The following RTKN2 variants were observed in gnomAD, a reference collection of about 807,000 sequenced individuals.
RTKN2 encodes rhotekin 2.
RTKN2 carries 69 observed loss-of-function variants against 71.5 expected under a neutral mutation model. The ratio of observed to expected loss-of-function variants is 0.96; its 90% CI spans 0.79 to 1.18. RTKN2 has a LOEUF of 1.18. Among genes scored for constraint, RTKN2 ranks in the 50% most tolerant of loss-of-function variants. The pLI, the probability that RTKN2 is intolerant of heterozygous loss-of-function variation, is 0.00. For synonymous variants in RTKN2, 236 were observed against 236.5 expected (o/e 1.00, Z 0.02); for missense variants, 724 against 719.7 (o/e 1.01, Z -0.07).
At chr10:62,253,617 A>C (rs1842621130) in intron 2 of RTKN2, among the ~76,000 whole-genome samples, 1 of 152,192 alleles carries the variant, frequency 6.6e-6, no homozygotes, top group Non-Finnish European at 1.5e-5. Flanking sequence ...ATAAAGTAGA[A>C]AAAATAAAAA....
At chr10:62,268,509 G>C (rs1316418927) in intron 1 of RTKN2, 42 bp downstream of exon 1, 5 of 1,534,664 alleles carry the variant, frequency 3.3e-6, no homozygotes, top group Non-Finnish European at 4.4e-6. Context: ...ACAGAACCCC[G>C]GCTCCCTCAC....
Position 62,249,709 on chromosome 10 carries a change from T to C in RTKN2, c.258-3652A>G, listed in dbSNP as rs996809050. Among the ~76,000 whole-genome samples, 6 of 152,194 alleles carry C rather than the reference T, an allele frequency of 3.9e-5. No individual in the cohort carries two copies. In the East Asian group the frequency reaches 5.8e-4, roughly 15 times the overall value. On this transcript the variant is annotated intron_variant, in intron 2 of 11. Transcript: ENST00000373789. ...TAATCTTTTAACCTCAGCATCTTTATCTGTAAAGTGGCAAAAAGATTCACT... is the reference window on the plus strand; with the variant it reads ...TAATCTTTTAACCTCAGCATCTTTACCTGTAAAGTGGCAAAAAGATTCACT...
intron 9 of RTKN2, chr10:62,215,155 AT>A: frequency 9.9e-7 from 1 of 1,012,000 alleles, no homozygotes; most frequent in Non-Finnish European, 1.4e-6. Context: ...ATGGTATAAA[AT>A]ATAAGAAAAA....
Position 62,268,788 on chromosome 10 carries a change from C to T in RTKN2, c.-178G>A. 1 of 602,396 alleles carries T rather than the reference C, an allele frequency of 1.7e-6. No homozygotes were observed. The highest frequency in any genetic ancestry group is 2.8e-6 in the Non-Finnish European group (1 of 356,196). 37.3% of individuals were successfully genotyped at this position (602,396 alleles called of 1,614,324 possible). A position where few individuals can be genotyped will look rare whatever the true frequency, so the allele number is the denominator to read the frequency against. On this transcript the variant is annotated 5_prime_UTR_variant, in exon 1 of 12. Transcript: ENST00000373789. ...GCACGCGCAGTGGGCGCGCCTTGCG[C>T]TCTGCAGCTCCCGCCGCCGGAAGTT...
intron 2 of RTKN2, among the ~76,000 whole-genome samples, chr10:62,254,365 C>G (rs1314987624): frequency 6.6e-6 from 1 of 152,192 alleles, no homozygotes. Context: ...TGCTTGCTTT[C>G]CCTTCACCCT....
At chr10:62,200,357 C>T (rs1286069362) in intron 10 of RTKN2, among the ~76,000 whole-genome samples, 10 of 100,150 alleles carry the variant, frequency 1.0e-4, no homozygotes, top group African/African-American at 1.9e-4. Context: ...AGAGAGACTC[C>T]GTCTCAAAAA....
At chr10:62,231,776 G>A (rs1369238350) in intron 6 of RTKN2, among the ~76,000 whole-genome samples, 3 of 151,834 alleles carry the variant, frequency 2.0e-5, no homozygotes, top group African/African-American at 7.3e-5. Flanking sequence ...ATATTACTAG[G>A]GAAAATTTTA....
chr10:62,195,053 A>C lies in RTKN2; in HGVS notation c.*2855T>G, dbSNP rs61850824. ...AAAATGCCTTCTTTGCCCTTGCAAG[A>C]TATTAAAATACAAAAGTTACCACTT... On this transcript the variant is annotated 3_prime_UTR_variant, in exon 12 of 12. Coordinates refer to ENST00000373789, the MANE Select transcript of RTKN2 (RefSeq NM_145307.4). The C allele has an allele frequency of 0.1, 98,646 of 983,206 alleles. 5,268 individuals carry two copies. The highest frequency in any genetic ancestry group is 0.25 in the South Asian group (5,379 of 21,210). The allele number at this position is 983,206 out of a possible 1,614,324, so 60.9% of individuals were successfully genotyped here.
At chr10:62,245,068 T>C (rs989415150) in intron 3 of RTKN2, among the ~76,000 whole-genome samples, 2 of 152,134 alleles carry the variant, frequency 1.3e-5, no homozygotes, top group Non-Finnish European at 2.9e-5. Context: ...AAGAAAATAT[T>C]TGTAAAAGTG....
intron 3 of RTKN2, 40 bp downstream of exon 3, chr10:62,245,959 G>C (rs1842471600): frequency 1.6e-6 from 2 of 1,279,112 alleles, no homozygotes; most frequent in Non-Finnish European, 2.2e-6. Context: ...TTACGTTATA[G>C]AATTTATTCA....
At position 62,262,621 on chromosome 10, in the gene RTKN2, T is replaced by G. The variant is rs1322777178; in HGVS notation, c.257+4A>C. 6 of 1,586,568 alleles carry G rather than the reference T, an allele frequency of 3.8e-6. No individual in the cohort carries two copies. The highest frequency in any genetic ancestry group is 8.6e-7 in the Non-Finnish European group (1 of 1,161,026). The stretch of plus-strand genomic sequence containing the variant: ...AAAAGCCACAGGTAAACTATGTTAC[T>G]AACCATCTTCCAGTCTGATTTGCAA... On this transcript the variant is annotated splice_donor_region_variant and intron_variant, in intron 2 of 11. Coordinates refer to ENST00000373789, the MANE Select transcript of RTKN2 (RefSeq NM_145307.4).
intron 1 of RTKN2, among the ~76,000 whole-genome samples, chr10:62,267,868 G>GT (rs529685950): frequency 5.9e-5 from 9 of 152,166 alleles, no homozygotes; most frequent in Non-Finnish European, 1.2e-4. Flanking sequence ...GTGAAAAGTG[G>GT]TAACATTTTA....
chr10:62,254,606 G>T (rs1564527616), intron 2 of RTKN2, among the ~76,000 whole-genome samples: 2 of 151,944 alleles, frequency 1.3e-5, no homozygotes, highest in African/African-American at 4.8e-5. Context: ...CACACACAAA[G>T]AACTGCAAAG....
rs546580372 is a variant in RTKN2 at position 62,194,519 on chromosome 10, G to T, written c.*3389C>A. 4.3e-4 allele frequency: 428 copies of T among 984,592 alleles called. No individual in the cohort carries two copies. Among genetic ancestry groups the T allele is most frequent in the Admixed American group, 5.5e-4 (9 of 16,270 alleles). The allele number at this position is 984,592 out of a possible 1,614,324, so 61.0% of individuals were successfully genotyped here. On this transcript the variant is annotated 3_prime_UTR_variant, in exon 12 of 12. Coordinates refer to ENST00000373789, the MANE Select transcript of RTKN2 (RefSeq NM_145307.4). Reference sequence around the variant, plus strand: ...AAGAAAATGAGTTTTGATAAATTCAGACCACAGGGACAGATATTTTTCTTG... The same window carrying T: ...AAGAAAATGAGTTTTGATAAATTCATACCACAGGGACAGATATTTTTCTTG...
chr10:62,245,426 T>C (rs1012569199), intron 3 of RTKN2, among the ~76,000 whole-genome samples: 2 of 152,030 alleles, frequency 1.3e-5, no homozygotes, highest in African/African-American at 2.4e-5. Flanking sequence ...TTAGGAGTAA[T>C]AGAAGATATG....
chr10:62,239,873 A>T, intron 4 of RTKN2, 108 bp from the exon 5 acceptor site: 1 of 647,058 alleles, frequency 1.5e-6, no homozygotes, highest in South Asian at 1.8e-5. Flanking sequence ...GATTCTTTTC[A>T]TACATTGTAT....
At chr10:62,213,946 T>C (rs1841714804) in intron 9 of RTKN2, among the ~76,000 whole-genome samples, 1 of 152,010 alleles carries the variant, frequency 6.6e-6, no homozygotes, top group African/African-American at 2.4e-5. Flanking sequence ...GGATAGTGCT[T>C]GATTTTTTCA....
chr10:62,208,048 T>A (rs1158038753), intron 9 of RTKN2, among the ~76,000 whole-genome samples: 2 of 152,036 alleles, frequency 1.3e-5, no homozygotes, highest in Non-Finnish European at 2.9e-5. Context: ...TTTCACTCCA[T>A]GAGATGGTGT....
At chr10:62,265,662 G>T (rs970494909) in intron 1 of RTKN2, among the ~76,000 whole-genome samples, 4 of 149,032 alleles carry the variant, frequency 2.7e-5, no homozygotes, top group Admixed American at 2.0e-4. Flanking sequence ...CATTTTACAT[G>T]CAGAAAAAGC....
Sources: gnomAD v4.1 joint callset for allele counts (sites outside exome capture counted in the v4.1 genomes callset) on GRCh38, gnomAD v4.1.1 for gene constraint, MANE v1.5 for transcripts, NCBI Gene and HGNC (gene_info 2026-07-23, HGNC 2026-07-21) for gene names.